Variants in CDS2 observed in about 807,000 individuals in gnomAD.
CDS2 encodes CDP-diacylglycerol synthase 2, also known as phosphatidate cytidylyltransferase 2.
A neutral mutation model predicts 59.0 loss-of-function variants in CDS2; 47 were observed. The observed-to-expected ratio is 0.80, with a 90% CI of 0.63 to 1.02. CDS2 has a LOEUF of 1.02. CDS2 is among the 50% of genes least tolerant of loss of function. CDS2 has a pLI of 0.00. For synonymous variants in CDS2, 207 were observed against 206.4 expected (o/e 1.00, Z -0.02); for missense variants, 356 against 558.9 (o/e 0.64, Z 3.66).
rs113734415 is a variant in CDS2 at position 5,172,059 on chromosome 20, A to G, written c.58-1464A>G. Among the ~76,000 whole-genome samples, 21 of 152,352 alleles carry G rather than the reference A, an allele frequency of 1.4e-4. 1 individual carries two copies. Among genetic ancestry groups the G allele is most frequent in the African/African-American group, 5.1e-4 (21 of 41,578 alleles). ...GTCACAGTTGTAAATTAATTTAGAA[A>G]GAGCTGTCTCCCTGAGGGCAGGGGC... On this transcript the variant is annotated intron_variant, in intron 1 of 12. Transcript: ENST00000460006.
At chr20:5,178,475 C>T (rs1448845764) in intron 4 of CDS2, among the ~76,000 whole-genome samples, 6 of 151,980 alleles carry the variant, frequency 3.9e-5, no homozygotes, top group East Asian at 1.9e-4. Flanking sequence ...AGAGTGGAAA[C>T]GAGACTGGGG....
Position 5,181,684 on chromosome 20 carries a change from A to G in CDS2, c.530-703A>G, listed in dbSNP as rs556214220. Among the ~76,000 whole-genome samples, 3 of 152,320 alleles carry G rather than the reference A, an allele frequency of 2.0e-5. No individual in the cohort carries two copies. In the South Asian group the frequency reaches 6.2e-4, roughly 32 times the overall value. ...CATTTTGTCATTGTGCAAACATTGT[A>G]GAGTGTACTTATGCAGACCTAGATG... On this transcript the variant is annotated intron_variant, in intron 5 of 12. Coordinates refer to ENST00000460006, the MANE Select transcript of CDS2 (RefSeq NM_003818.4).
At chr20:5,152,922 AT>A (rs1326357434) in intron 1 of CDS2, among the ~76,000 whole-genome samples, 1 of 152,218 alleles carries the variant, frequency 6.6e-6, no homozygotes, top group African/African-American at 2.4e-5. Context: ...GCCATTTAGT[AT>A]GCATTTGTAC....
chr20:5,135,626 TC>T (rs1384196363), intron 1 of CDS2, among the ~76,000 whole-genome samples: 2 of 151,980 alleles, frequency 1.3e-5, no homozygotes, highest in African/African-American at 2.4e-5. Context: ...AGGCACCCCC[TC>T]CCCACCCCCA....
At chr20:5,181,642 C>CGGAAATGCATTGTTGTT in intron 5 of CDS2, among the ~76,000 whole-genome samples, 3 of 152,224 alleles carry the variant, frequency 2.0e-5, no homozygotes, top group African/African-American at 7.2e-5. Context: ...GCTATGTTCT[C>CGGAAATGCATTGTTGTT]GGAAATGCAT....
At chr20:5,136,799 C>T (rs1417972708) in intron 1 of CDS2, among the ~76,000 whole-genome samples, 1 of 152,006 alleles carries the variant, frequency 6.6e-6, no homozygotes, top group Non-Finnish European at 1.5e-5. Context: ...CCTTCCAATT[C>T]TTGTTTTAGG....
intron 1 of CDS2, among the ~76,000 whole-genome samples, chr20:5,134,057 T>C (rs1261922991): frequency 6.6e-6 from 1 of 152,202 alleles, no homozygotes; most frequent in African/African-American, 2.4e-5. Flanking sequence ...AAAAAATGTA[T>C]GTGTTTTATA....
intron 2 of CDS2, among the ~76,000 whole-genome samples, chr20:5,174,469 G>A (rs2090979506): frequency 1.3e-5 from 2 of 152,198 alleles, no homozygotes; most frequent in African/African-American, 4.8e-5. Context: ...GGGTATGGTG[G>A]CTCACGCCTG....
At chr20:5,147,232 A>G (rs11697399) in intron 1 of CDS2, among the ~76,000 whole-genome samples, 3 of 152,232 alleles carry the variant, frequency 2.0e-5, no homozygotes, top group African/African-American at 4.8e-5. Context: ...AAAAATGGAC[A>G]GATCTAAGAT....
chr20:5,182,742 C>T (rs1234517610), intron 6 of CDS2, among the ~76,000 whole-genome samples: 28 of 152,230 alleles, frequency 1.8e-4, no homozygotes, highest in Admixed American at 1.8e-3. Context: ...CTGTCTGGTA[C>T]ATCACTTGCT....
intron 1 of CDS2, among the ~76,000 whole-genome samples, chr20:5,171,489 T>C (rs1037458527): frequency 3.9e-5 from 6 of 152,284 alleles, no homozygotes; most frequent in Admixed American, 3.9e-4. Context: ...AGCCAGGTGA[T>C]CAGGCAGCAT....
intron 1 of CDS2, among the ~76,000 whole-genome samples, chr20:5,157,598 G>C (rs914628878): frequency 6.6e-6 from 1 of 152,140 alleles, no homozygotes; most frequent in Admixed American, 6.5e-5. Context: ...ATTGTTTTGG[G>C]GTCTGGGAAG....
chr20:5,160,929 C>T (rs2090872240), intron 1 of CDS2, among the ~76,000 whole-genome samples: 1 of 152,184 alleles, frequency 6.6e-6, no homozygotes, highest in African/African-American at 2.4e-5. Flanking sequence ...TATATGTATA[C>T]TACATTTTGT....
chr20:5,160,723 C>G (rs2123013897), intron 1 of CDS2, among the ~76,000 whole-genome samples: 1 of 152,290 alleles, frequency 6.6e-6, no homozygotes, highest in South Asian at 2.1e-4. Flanking sequence ...CTCTCACTCC[C>G]CCAGCCCCTG....
At chr20:5,145,251 C>CCCGCCA (rs1204981321) in intron 1 of CDS2, among the ~76,000 whole-genome samples, 1 of 128,226 alleles carries the variant, frequency 7.8e-6, no homozygotes, top group African/African-American at 2.8e-5. Context: ...CCCCCCCGCC[C>CCCGCCA]CCGCCACCAA....
intron 1 of CDS2, among the ~76,000 whole-genome samples, chr20:5,127,516 T>G (rs2090564791): frequency 6.6e-6 from 1 of 152,192 alleles, no homozygotes; most frequent in Non-Finnish European, 1.5e-5. Context: ...GGGAGGCGGC[T>G]CCTCTGAGCG....
At position 5,189,906 on chromosome 20, in the gene CDS2, C is replaced by T. The variant is rs2091099990; in HGVS notation, c.1205+68C>T. 1.1e-5 allele frequency: 16 copies of T among 1,423,630 alleles called. 1 individual carries two copies. The highest frequency in any genetic ancestry group is 4.9e-5 in the South Asian group (4 of 81,924). 88.2% of individuals were successfully genotyped at this position (1,423,630 alleles called of 1,614,324 possible). ...GTACGGTGCAATTCTAGAATTTTAG[C>T]GGCATCTAAGTTCCAGTGAAAAGCA... On this transcript the variant is annotated intron_variant, in intron 12 of 12. Transcript: ENST00000460006.
chr20:5,138,753 T>A (rs998627948), intron 1 of CDS2, among the ~76,000 whole-genome samples: 6 of 151,834 alleles, frequency 4.0e-5, no homozygotes, highest in Non-Finnish European at 5.9e-5. Context: ...CCCAAAATGC[T>A]GGGATTACCT....
At chr20:5,158,506 A>G (rs972921449) in intron 1 of CDS2, among the ~76,000 whole-genome samples, 21 of 152,244 alleles carry the variant, frequency 1.4e-4, no homozygotes, top group African/African-American at 4.8e-4. Flanking sequence ...AACCCTGTAA[A>G]ATCTCACCAA....
Sources: gnomAD v4.1 joint callset for allele counts (sites outside exome capture counted in the v4.1 genomes callset) on GRCh38, gnomAD v4.1.1 for gene constraint, MANE v1.5 for transcripts, NCBI Gene and HGNC (gene_info 2026-07-23, HGNC 2026-07-21) for gene names.